The following TARS1 variants were observed in gnomAD, a reference collection of about 807,000 sequenced individuals.
TARS1 encodes the protein threonine--tRNA ligase 1, cytoplasmic.
A neutral mutation model predicts 97.7 loss-of-function variants in TARS1; 57 were observed. That is an observed-to-expected ratio of 0.58 (90% CI 0.47 to 0.73). TARS1 has a LOEUF of 0.73. Among genes scored for constraint, TARS1 ranks in the 30% least tolerant of loss-of-function variants. TARS1 has a pLI of 0.00. For missense variants in TARS1, 806 were observed against 888.3 expected (o/e 0.91, Z 1.18); for synonymous variants, 312 against 293.7 (o/e 1.06, Z -0.64).
intron 18 of TARS1, among the ~76,000 whole-genome samples, 182 bp downstream of exon 18, chr5:33,467,167 GGT>G (rs1491363414): frequency 9.9e-4 from 108 of 109,002 alleles, no homozygotes; most frequent in African/African-American, 3.8e-3. Flanking sequence ...ATACATACTG[GGT>G]TTTTTTTTTT....
At chr5:33,458,685 T>G in intron 10 of TARS1, 21 bp downstream of exon 10, 2 of 1,563,694 alleles carry the variant, frequency 1.3e-6, no homozygotes, top group Non-Finnish European at 1.8e-6. Context: ...TTTATTGCTT[T>G]CTTCTTTAGA....
In TARS1 at chr5:33,467,657, G is replaced by T; in HGVS notation, c.2121G>T (p.Arg707=). The part of the protein sequence containing the change: ...GERTISETIE[R]LQQLKEFRSK... ...GCACCATTTCTGAAACTATCGAGCGGCTACAGCAGCTCAAAGAGTTCCGCA... is the reference window on the plus strand; with the variant it reads ...GCACCATTTCTGAAACTATCGAGCGTCTACAGCAGCTCAAAGAGTTCCGCA... Residue 707 remains arginine (R), a synonymous_variant, in exon 19 of 19, where the codon CGG becomes CGT. Coordinates refer to ENST00000265112, the MANE Select transcript of TARS1 (RefSeq NM_152295.5). 2 of 1,613,858 alleles carry T rather than the reference G, an allele frequency of 1.2e-6. No homozygotes were observed. Among genetic ancestry groups the T allele is most frequent in the Middle Eastern group, 1.6e-4 (1 of 6,062 alleles).
At chr5:33,460,795 G>T in intron 11 of TARS1, 107 bp from the exon 12 acceptor site, 1 of 1,333,942 alleles carries the variant, frequency 7.5e-7, no homozygotes, top group Non-Finnish European at 1.0e-6. Flanking sequence ...TGCTTGGATG[G>T]ACAGCTAGAA....
In TARS1 at chr5:33,448,725, GA is replaced by G; in HGVS notation, c.325del (p.Ile109LeufsTer14). 6.2e-7 allele frequency: 1 copy of G among 1,612,582 alleles called. No homozygotes were observed. The highest frequency in any genetic ancestry group is 1.7e-4 in the Middle Eastern group (1 of 6,056). On this transcript the variant is annotated frameshift_variant, in exon 3 of 19. Coordinates refer to ENST00000265112, the MANE Select transcript of TARS1 (RefSeq NM_152295.5). LOFTEE classifies it high-confidence loss of function. ...WKTTPYQIAC[G>X]ISQGLADNTV... is the part of the protein sequence containing the mutation. ...ACTACACCATATCAAATTGCCTGTGGAATTAGGTATAAGCTACACCCATCAT... is the reference window on the plus strand; with the variant it reads ...ACTACACCATATCAAATTGCCTGTGGATTAGGTATAAGCTACACCCATCAT...
intron 18 of TARS1, among the ~76,000 whole-genome samples, chr5:33,467,329 G>C (rs986659010): frequency 1.3e-5 from 2 of 152,032 alleles, no homozygotes; most frequent in South Asian, 4.1e-4. Context: ...TGATGTTTGG[G>C]GTTTTATTAT....
chr5:33,453,355 T>C lies in TARS1; in HGVS notation c.396T>C (p.Pro132=), dbSNP rs1743255945. The change falls in exon 4 of 19, where the codon CCT becomes CCC. Residue 132 remains proline (P), a synonymous_variant. Transcript: ENST00000265112. ...VNNVVWDLDR[P]LEEDCTLELL... is the part of the protein sequence containing the mutation. ...ATGTTGTGTGGGACCTGGACCGCCC[T>C]CTGGAAGAAGATTGTACCTTGGAGC... The C allele has an allele frequency of 6.2e-7, 1 of 1,607,264 alleles. No homozygotes were observed.
chr5:33,460,867 C>G (rs1742255100), intron 11 of TARS1, 35 bp from the exon 12 acceptor site: 1 of 1,611,014 alleles, frequency 6.2e-7, no homozygotes, highest in Non-Finnish European at 8.5e-7. Context: ...CAGTTTTATT[C>G]TTAAGTGTCC....
chr5:33,467,812 T>A lies in TARS1; in HGVS notation c.*104T>A. On this transcript the variant is annotated 3_prime_UTR_variant, in exon 19 of 19. Coordinates refer to ENST00000265112, the MANE Select transcript of TARS1 (RefSeq NM_152295.5). ...TCAATTTATATTGAACTTGGAGGAG[T>A]TTGGCAAAGTCTGAATAGGTCAACC... 1 of 1,343,890 alleles carries A rather than the reference T, an allele frequency of 7.4e-7. No individual in the cohort carries two copies. Among genetic ancestry groups the A allele is most frequent in the Non-Finnish European group, 9.9e-7 (1 of 1,007,522 alleles). The allele number at this position is 1,343,890 out of a possible 1,614,324, so 83.2% of individuals were successfully genotyped here.
chr5:33,459,010 G>C (rs566429856), intron 10 of TARS1, among the ~76,000 whole-genome samples: 2 of 152,034 alleles, frequency 1.3e-5, no homozygotes, highest in Admixed American at 1.3e-4. Context: ...ATAGAGAATA[G>C]TATATCCAAT....
At position 33,461,038 on chromosome 5, in the gene TARS1, G is replaced by T; in HGVS notation, c.1387G>T (p.Ala463Ser). The change falls in exon 12 of 19, where the codon GCT becomes TCT. Residue 463 changes from alanine to serine, a missense_variant. Coordinates refer to ENST00000265112, the MANE Select transcript of TARS1 (RefSeq NM_152295.5). ...GGTACGAAGATTCCAACAGGATGAT[G>T]CTCACATATTCTGTGCCATGGAGCA... is the stretch of plus-strand genomic sequence containing the variant. ...TRVRRFQQDD[A>S]HIFCAMEQIE... The T allele has an allele frequency of 6.2e-7, 1 of 1,614,134 alleles. No individual in the cohort carries two copies. Among genetic ancestry groups the T allele is most frequent in the Non-Finnish European group, 8.5e-7 (1 of 1,180,020 alleles).
chr5:33,467,462 A>T, intron 18 of TARS1, 98 bp from the exon 19 acceptor site: 1 of 1,308,146 alleles, frequency 7.6e-7, no homozygotes, highest in Non-Finnish European at 1.0e-6. Context: ...GCTATGGGGT[A>T]GGTTTTGGGT....
chr5:33,453,620 A>G (rs1345819804), intron 4 of TARS1, among the ~76,000 whole-genome samples: 4 of 152,172 alleles, frequency 2.6e-5, no homozygotes, highest in Non-Finnish European at 1.5e-5. Flanking sequence ...AAGTCTTTTC[A>G]TTACTAGACA....
chr5:33,465,836 T>C (rs1742506606), intron 17 of TARS1, among the ~76,000 whole-genome samples: 1 of 152,190 alleles, frequency 6.6e-6, no homozygotes, highest in African/African-American at 2.4e-5. Context: ...TCTTTTTCAA[T>C]CAAAAATTGA....
At chr5:33,449,358 T>TATATATATATATATATATATATATATAG (rs59141272) in intron 3 of TARS1, among the ~76,000 whole-genome samples, 1 of 146,402 alleles carries the variant, frequency 6.8e-6, no homozygotes, top group African/African-American at 2.6e-5. Context: ...TATATATATA[T>TATATATATATATATATATATATATATAG]CTTAAACTGG....
chr5:33,453,490 C>T (rs538061732), intron 4 of TARS1, 78 bp downstream of exon 4: 11 of 1,526,982 alleles, frequency 7.2e-6, no homozygotes, highest in Admixed American at 2.0e-5. Flanking sequence ...AGTCCTGCTG[C>T]GATTGGGTGG....
chr5:33,441,386 C>A, intron 1 of TARS1: 1 of 528,244 alleles, frequency 1.9e-6, no homozygotes, highest in Non-Finnish European at 3.4e-6. Flanking sequence ...AGGAAACAGA[C>A]CTTGAGTGAG....
intron 3 of TARS1, chr5:33,452,324 A>G (rs1741785530): frequency 2.0e-6 from 3 of 1,528,760 alleles, no homozygotes; most frequent in Non-Finnish European, 2.6e-6. Flanking sequence ...TGGCTCACCT[A>G]CTCAACTCTG....
chr5:33,440,793 C>T (rs1314147615), upstream of TARS1: 3 of 528,982 alleles, frequency 5.7e-6, no homozygotes, highest in Non-Finnish European at 6.7e-6. Flanking sequence ...GGAGAGTAGG[C>T]ATGTAGCTTC....
intron 4 of TARS1, 129 bp downstream of exon 4, chr5:33,453,541 C>A (rs1015943512): frequency 8.2e-7 from 1 of 1,217,008 alleles, no homozygotes; most frequent in Non-Finnish European, 1.1e-6. Context: ...TTGAAATCTT[C>A]ATTTTGTCCT....
Sources: allele counts gnomAD v4.1 joint callset (sites outside exome capture counted in the v4.1 genomes callset), GRCh38; gene constraint gnomAD v4.1.1; transcripts MANE v1.5; gene names NCBI Gene and HGNC (gene_info 2026-07-23, HGNC 2026-07-21).